The following ADCY10 variants were observed in gnomAD, a reference collection of about 807,000 sequenced individuals.
ADCY10 encodes adenylate cyclase 10.
ADCY10 carries 156 observed loss-of-function variants against 183.3 expected under a neutral mutation model. The observed-to-expected ratio is 0.85, with a 90% confidence interval of 0.75 to 0.97. The LOEUF is 0.97. ADCY10 is among the 50% of genes least tolerant of loss of function. The pLI is 0.00. For synonymous variants in ADCY10, 645 were observed against 670.0 expected (o/e 0.96, Z 0.58); for missense variants, 1,745 against 1,934.3 (o/e 0.90, Z 1.84).
chr1:167,836,071 C>T (rs1664169924), intron 23 of ADCY10, among the ~76,000 whole-genome samples: 1 of 152,136 alleles, frequency 6.6e-6, no homozygotes, highest in Admixed American at 6.5e-5. Context: ...CAATTCATGG[C>T]AAGTTTCTAA....
chr1:167,811,518 C>T (rs1246689086), intron 31 of ADCY10, among the ~76,000 whole-genome samples: 1 of 152,162 alleles, frequency 6.6e-6, no homozygotes, highest in Non-Finnish European at 1.5e-5. Context: ...ACCAGGGAGG[C>T]AGAGGTTGCA....
At position 167,856,329 on chromosome 1, in the gene ADCY10, A is replaced by C. The variant is rs998547808; in HGVS notation, c.2007T>G (p.Ile669Met). The C allele has an allele frequency of 6.2e-7, 1 of 1,614,090 alleles. No homozygotes were observed. Among genetic ancestry groups the C allele is most frequent in the Non-Finnish European group, 8.5e-7 (1 of 1,179,960 alleles). ...KLIRTLPIFI[I>M]MSLCPFVNIP... ...TGTTAACGAAGGGACACAGGGACAT[A>C]ATGATGAAGATAGGAAGAGTCCGGA... Residue 669 changes from isoleucine to methionine, a missense_variant, in exon 17 of 33, where the codon ATT (isoleucine) becomes ATG (methionine). Coordinates refer to ENST00000367851, the MANE Select transcript of ADCY10 (RefSeq NM_018417.6).
chr1:167,879,557 C>T (rs1184958642), intron 11 of ADCY10, among the ~76,000 whole-genome samples: 1 of 152,188 alleles, frequency 6.6e-6, no homozygotes, highest in East Asian at 1.9e-4. Context: ...ATACACTCCC[C>T]ACCCTGTGTA....
intron 31 of ADCY10, among the ~76,000 whole-genome samples, chr1:167,814,854 G>GAAAAT (rs1662428922): frequency 3.3e-5 from 5 of 152,084 alleles, no homozygotes; most frequent in Non-Finnish European, 5.9e-5. Flanking sequence ...TAGGCCACAC[G>GAAAAT]TGGGCTCATG....
intron 9 of ADCY10, among the ~76,000 whole-genome samples, chr1:167,880,873 C>T (rs1667827924): frequency 6.6e-6 from 1 of 152,190 alleles, no homozygotes; most frequent in Non-Finnish European, 1.5e-5. Context: ...CTTCGGCCTA[C>T]TCTCTCCTGT....
intron 14 of ADCY10, 113 bp downstream of exon 14, chr1:167,870,144 A>G (rs1400710173): frequency 1.7e-6 from 2 of 1,204,748 alleles, no homozygotes; most frequent in Non-Finnish European, 2.4e-6. Flanking sequence ...ATGGCATCCA[A>G]TAATTGTAGG....
intron 31 of ADCY10, among the ~76,000 whole-genome samples, chr1:167,811,252 T>C (rs760776941): frequency 1.4e-4 from 21 of 152,172 alleles, no homozygotes; most frequent in Non-Finnish European, 2.6e-4. Context: ...CATTTCTGCA[T>C]GTAAGGAGCT....
At chr1:167,864,419 G>A (rs1666523443) in intron 14 of ADCY10, among the ~76,000 whole-genome samples, 1 of 152,190 alleles carries the variant, frequency 6.6e-6, no homozygotes, top group African/African-American at 2.4e-5. Context: ...AGGAAGCCTA[G>A]ACAGGTCCCT....
chr1:167,821,969 C>G (rs1457498082), intron 30 of ADCY10, 55 bp downstream of exon 30: 2 of 1,221,748 alleles, frequency 1.6e-6, no homozygotes, highest in African/African-American at 3.0e-5. Context: ...AGAACTCTTC[C>G]TTGGGATTCA....
rs147953756 is a variant in ADCY10 at position 167,868,750 on chromosome 1, T to C, written c.1616+1507A>G. On this transcript the variant is annotated intron_variant, in intron 14 of 32. Coordinates refer to ENST00000367851, the MANE Select transcript of ADCY10 (RefSeq NM_018417.6). ...AAAAGCGAAACATAGCCATAGATAATTAAAAAGATGATGAATGACCACCTA... is the reference window on the plus strand; with the variant it reads ...AAAAGCGAAACATAGCCATAGATAACTAAAAAGATGATGAATGACCACCTA... Among the ~76,000 whole-genome samples the C allele has an allele frequency of 5.0e-3, 759 of 152,336 alleles. 7 individuals carry two copies. The highest frequency in any genetic ancestry group is 9.7e-3 in the Non-Finnish European group (659 of 68,036).
In ADCY10 at chr1:167,856,157, T is replaced by G; in HGVS notation, c.2171+8A>C. 4 of 1,613,746 alleles carry G rather than the reference T, an allele frequency of 2.5e-6. No homozygotes were observed. The highest frequency in any genetic ancestry group is 1.7e-6 in the Non-Finnish European group (2 of 1,179,792). ...GTCGAGAGTTCAGAATAGAAAGAGG[T>G]TACTTACGAGTCCAGTTCTTTGGAG... On this transcript the variant is annotated splice_region_variant and intron_variant, in intron 17 of 32. Transcript: ENST00000367851.
chr1:167,903,362 G>A (rs1056999558), intron 3 of ADCY10, among the ~76,000 whole-genome samples: 9 of 152,080 alleles, frequency 5.9e-5, no homozygotes, highest in African/African-American at 2.2e-4. Flanking sequence ...TCAGGAGTTT[G>A]AGACCAGCCT....
intron 12 of ADCY10, among the ~76,000 whole-genome samples, chr1:167,875,746 C>T (rs529486308): frequency 7.2e-5 from 11 of 151,956 alleles, no homozygotes; most frequent in East Asian, 1.9e-4. Context: ...GTCAGGAGAT[C>T]GAGACCATCC....
intron 22 of ADCY10, 53 bp from the exon 23 acceptor site, chr1:167,836,593 A>G: frequency 7.6e-7 from 1 of 1,323,160 alleles, no homozygotes; most frequent in Non-Finnish European, 1.1e-6. Flanking sequence ...CACTTTTGAT[A>G]TTAAAATATC....
chr1:167,898,260 G>A (rs1669144623), intron 6 of ADCY10, among the ~76,000 whole-genome samples: 1 of 152,020 alleles, frequency 6.6e-6, no homozygotes, highest in Non-Finnish European at 1.5e-5. Flanking sequence ...TTTTCTGTAA[G>A]TCTAACATGA....
chr1:167,893,386 A>G (rs896690438), intron 8 of ADCY10, among the ~76,000 whole-genome samples: 1 of 152,112 alleles, frequency 6.6e-6, no homozygotes, highest in Non-Finnish European at 1.5e-5. Flanking sequence ...TTGAGATTTG[A>G]ACAATGAATT....
chr1:167,834,266 T>A (rs993518917), intron 23 of ADCY10, among the ~76,000 whole-genome samples, 189 bp from the exon 24 acceptor site: 1 of 152,212 alleles, frequency 6.6e-6, no homozygotes, highest in Non-Finnish European at 1.5e-5. Context: ...TGGGTAAAGA[T>A]CTCACCTTCA....
At chr1:167,901,935 T>G in intron 4 of ADCY10, 81 bp downstream of exon 4, 6 of 1,605,190 alleles carry the variant, frequency 3.7e-6, no homozygotes, top group Non-Finnish European at 5.1e-6. Context: ...TTCTCTAGGA[T>G]GCCTCCTTTG....
At chr1:167,824,993 A>G in intron 26 of ADCY10, 138 bp from the exon 27 acceptor site, 1 of 865,030 alleles carries the variant, frequency 1.2e-6, no homozygotes, top group Non-Finnish European at 1.9e-6. Context: ...CCATGGGCTT[A>G]GAAATAGAAA....
Sources: allele counts gnomAD v4.1 joint callset (sites outside exome capture counted in the v4.1 genomes callset), GRCh38; gene constraint gnomAD v4.1.1; transcripts MANE v1.5; gene names NCBI Gene and HGNC (gene_info 2026-07-23, HGNC 2026-07-21).